Variants in CDH18 observed in about 807,000 individuals in gnomAD.
The protein encoded by CDH18 is cadherin 18.
CDH18 carries 31 observed loss-of-function variants against 67.9 expected under a neutral mutation model. The observed-to-expected ratio is 0.46, with a 90% CI of 0.34 to 0.62. The LOEUF (loss-of-function observed/expected upper bound fraction) is 0.62. Among genes scored for constraint, CDH18 ranks in the 20% least tolerant of loss-of-function variants. The probability of loss-of-function intolerance (pLI) is 0.01; values close to 1 mark genes in which losing one functional copy is unlikely to be tolerated. For missense variants in CDH18, 890 were observed against 975.5 expected, an observed-to-expected ratio of 0.91 and a Z score of 1.17; for synonymous variants, 362 against 347.2, an observed-to-expected ratio of 1.04 and a Z score of -0.48.
At chr5:19,944,391 A>T (rs1311943910) in intron 2 of CDH18, among the ~76,000 whole-genome samples, 1 of 152,138 alleles carries the variant, frequency 6.6e-6, no homozygotes, top group Non-Finnish European at 1.5e-5. Context: ...AAGTCTCTAA[A>T]GTGTGTATAT....
intron 1 of CDH18, among the ~76,000 whole-genome samples, chr5:20,295,908 G>A (rs1307980889): frequency 1.0e-5 from 1 of 96,504 alleles, no homozygotes; most frequent in African/African-American, 4.2e-5. Context: ...TCTCACTCTT[G>A]TCATCCAGGC....
intron 1 of CDH18, among the ~76,000 whole-genome samples, chr5:20,498,249 A>G (rs1754029190): frequency 6.6e-6 from 1 of 152,112 alleles, no homozygotes; most frequent in Non-Finnish European, 1.5e-5. Context: ...TTGTACCAGC[A>G]GTAGTAATTC....
rs183609136 is a variant in CDH18, at chr5:20,139,061, A to G, written c.-518+116383T>C. On this transcript the variant is annotated intron_variant, in intron 2 of 14. Transcript: ENST00000507958. ...GGAGGCATCATGCTACCTGACTTCAAACTATACTACAAGGCTACAGTAACC... is the reference window on the plus strand; with the variant it reads ...GGAGGCATCATGCTACCTGACTTCAGACTATACTACAAGGCTACAGTAACC... 7.9e-3 allele frequency among the ~76,000 whole-genome samples: 1,206 copies of G among 152,298 alleles called. 16 individuals carry two copies. The highest frequency in any genetic ancestry group is 0.027 in the Middle Eastern group (8 of 294).
At chr5:19,678,074 G>A (rs180833925) in intron 5 of CDH18, among the ~76,000 whole-genome samples, 1 of 151,888 alleles carries the variant, frequency 6.6e-6, no homozygotes. Flanking sequence ...CATCGAGGCA[G>A]AAAATTAACA....
At chr5:20,545,915 G>GT (rs1757316711) in intron 1 of CDH18, among the ~76,000 whole-genome samples, 1 of 152,020 alleles carries the variant, frequency 6.6e-6, no homozygotes, top group Non-Finnish European at 1.5e-5. Flanking sequence ...CCTTTTAAAT[G>GT]TAAGTTACAA....
chr5:19,795,326 A>G (rs1776752402), intron 3 of CDH18, among the ~76,000 whole-genome samples: 1 of 152,160 alleles, frequency 6.6e-6, no homozygotes, highest in Non-Finnish European at 1.5e-5. Context: ...ATCCTTGTCC[A>G]AGGACTGTCC....
At chr5:19,955,132 A>G (rs944639486) in intron 2 of CDH18, among the ~76,000 whole-genome samples, 10 of 152,108 alleles carry the variant, frequency 6.6e-5, no homozygotes, top group Non-Finnish European at 1.2e-4. Context: ...TCCTGCTGCC[A>G]TATAAAGAAG....
chr5:20,430,847 T>C (rs1335214048), intron 1 of CDH18, among the ~76,000 whole-genome samples: 4 of 152,308 alleles, frequency 2.6e-5, no homozygotes, highest in Admixed American at 1.3e-4. Flanking sequence ...TTCTATTTCA[T>C]AATAACATAA....
chr5:19,985,449 T>C (rs1265877200), intron 1 of CDH18, among the ~76,000 whole-genome samples: 1 of 152,074 alleles, frequency 6.6e-6, no homozygotes. Context: ...AATGTAATTT[T>C]GCATCCTCCC....
chr5:20,088,359 A>C (rs540286397), intron 2 of CDH18, among the ~76,000 whole-genome samples: 1 of 152,342 alleles, frequency 6.6e-6, no homozygotes, highest in Admixed American at 6.5e-5. Flanking sequence ...GTATTCTAGT[A>C]ATAAGTTTCG....
At chr5:19,581,150 C>T (rs1743189117) in intron 7 of CDH18, among the ~76,000 whole-genome samples, 1 of 151,900 alleles carries the variant, frequency 6.6e-6, no homozygotes, top group South Asian at 2.1e-4. Flanking sequence ...GGCAATTGGG[C>T]TTCTCTTACT....
At chr5:20,201,619 A>G (rs927425174) in intron 2 of CDH18, among the ~76,000 whole-genome samples, 1 of 152,162 alleles carries the variant, frequency 6.6e-6, no homozygotes, top group African/African-American at 2.4e-5. Context: ...AACAGTATCT[A>G]GAAACCAGTA....
At position 19,894,341 on chromosome 5, in the gene CDH18, G is replaced by A. The variant is rs185848937; in HGVS notation, c.-256-55099C>T. Among the ~76,000 whole-genome samples the A allele has an allele frequency of 2.9e-4, 44 of 151,992 alleles. 1 individual carries two copies. In the East Asian group the frequency reaches 8.3e-3, roughly 29 times the overall value. On this transcript the variant is annotated intron_variant, in intron 2 of 12. Transcript: ENST00000382275. ...ATACAGGTTTTTCTACAAAACTCAG[G>A]ATACTTTAACCAGTTAAATAGATAC... is the stretch of plus-strand genomic sequence containing the variant.
chr5:20,124,748 T>C (rs1396432453), intron 2 of CDH18, among the ~76,000 whole-genome samples: 2 of 152,198 alleles, frequency 1.3e-5, no homozygotes, highest in African/African-American at 2.4e-5. Flanking sequence ...CCCAAAAATC[T>C]AGACTATCCT....
intron 2 of CDH18, among the ~76,000 whole-genome samples, chr5:20,163,044 A>G (rs1468735784): frequency 7.0e-6 from 1 of 143,662 alleles, no homozygotes; most frequent in Non-Finnish European, 1.5e-5. Flanking sequence ...AGGTGACAAG[A>G]GCAAAACTGT....
At chr5:19,564,198 G>A (rs537253131) in intron 8 of CDH18, among the ~76,000 whole-genome samples, 4 of 152,252 alleles carry the variant, frequency 2.6e-5, no homozygotes, top group African/African-American at 9.6e-5. Context: ...TGCTGGGCTT[G>A]GAGCCAGTGG....
At chr5:19,877,980 T>G (rs1686842917) in intron 2 of CDH18, 1 of 152,154 alleles carries the variant, frequency 6.6e-6, no homozygotes, top group Admixed American at 6.6e-5. Context: ...AATGTTATTA[T>G]GATGATTCAT....
At position 19,493,574 on chromosome 5, in the gene CDH18, C is replaced by T. The variant is rs1431885232; in HGVS notation, c.1630+9418G>A. 2.1e-5 allele frequency among the ~76,000 whole-genome samples: 3 copies of T among 139,680 alleles called. No individual in the cohort carries two copies. The South Asian group carries it at 7.0e-4, about 33-fold the overall frequency. The allele number at this position is 139,680 out of a possible 152,430, so 91.6% of individuals were successfully genotyped here. A position where few individuals can be genotyped will look rare whatever the true frequency, so the allele number is the denominator to read the frequency against. On this transcript the variant is annotated intron_variant, in intron 11 of 12. Transcript: ENST00000382275. ...TGTGTGTGTGTGTGTGTGTGTAAAG[C>T]GTTTGTCTTCATTTTGAATTAGGTC...
intron 11 of CDH18, among the ~76,000 whole-genome samples, chr5:19,495,717 C>CA (rs749003068): frequency 0.051 from 2,321 of 45,866 alleles, 52 homozygotes; most frequent in African/African-American, 0.055. Context: ...GAAACTGTCT[C>CA]AAAAAAAAAA....
Sources: allele counts gnomAD v4.1 joint callset (sites outside exome capture counted in the v4.1 genomes callset), GRCh38; gene constraint gnomAD v4.1.1; transcripts MANE v1.5; gene names NCBI Gene and HGNC (gene_info 2026-07-23, HGNC 2026-07-21).